The following COL4A4 variants were observed in gnomAD, a reference collection of about 807,000 sequenced individuals.
COL4A4 encodes collagen type IV alpha 4 chain.
In COL4A4, 105 loss-of-function variants were observed where a neutral mutation model predicts 192.9. That is an observed-to-expected ratio of 0.54 (90% CI 0.46 to 0.64). COL4A4 has a LOEUF of 0.64. Ranked by LOEUF, COL4A4 falls within the 30% of genes least tolerant of loss-of-function variation. COL4A4 has a pLI of 0.00. For missense variants in COL4A4, 1,967 were observed against 2,169.3 expected (o/e 0.91, Z 1.85); for synonymous variants, 762 against 769.9 (o/e 0.99, Z 0.17).
chr2:227,078,793 G>C (rs2059172779), intron 24 of COL4A4, among the ~76,000 whole-genome samples: 1 of 152,184 alleles, frequency 6.6e-6, no homozygotes, highest in Admixed American at 6.5e-5. Flanking sequence ...ACCCCTGTGG[G>C]TAAAAGCCTA....
intron 1 of COL4A4, among the ~76,000 whole-genome samples, chr2:227,157,592 AT>A (rs2064455752): frequency 6.6e-6 from 1 of 152,034 alleles, no homozygotes; most frequent in Non-Finnish European, 1.5e-5. Flanking sequence ...GACAAAGGGG[AT>A]TAAAAAGATA....
chr2:227,140,875 TCA>T (rs71036159), intron 3 of COL4A4, among the ~76,000 whole-genome samples: 34,723 of 139,358 alleles, frequency 0.25, 4,610 homozygotes, highest in East Asian at 0.51. Context: ...CTTTAGAGCA[TCA>T]CACACACACA....
intron 4 of COL4A4, among the ~76,000 whole-genome samples, chr2:227,130,563 G>T (rs2062385531): frequency 6.6e-6 from 1 of 152,100 alleles, no homozygotes; most frequent in South Asian, 2.1e-4. Context: ...CCTCCTGTTT[G>T]GAGTCTCCCC....
chr2:227,031,871 G>T (rs1968491112), intron 40 of COL4A4, 74 bp downstream of exon 40: 1 of 1,099,988 alleles, frequency 9.1e-7, no homozygotes, highest in African/African-American at 1.5e-5. Flanking sequence ...CCACTCTCTG[G>T]TCCCACATTC....
chr2:227,050,975 A>T lies in COL4A4; in HGVS notation c.3150+2T>A. The T allele has an allele frequency of 6.2e-7, 1 of 1,614,190 alleles. No individual in the cohort carries two copies. The highest frequency in any genetic ancestry group is 8.5e-7 in the Non-Finnish European group (1 of 1,180,022). ...TTCCCCCACAAAGCAGTAGCCCCTT[A>T]CCTGGTCACCTGGAAGTCCTGGAAA... is the stretch of plus-strand genomic sequence containing the variant. On this transcript the variant is annotated splice_donor_variant, in intron 33 of 47. Transcript: ENST00000396625. LOFTEE classifies it high-confidence loss of function.
At position 227,045,891 on chromosome 2, in the gene COL4A4, TATTTAGATA is replaced by T. The variant is rs1338101495; in HGVS notation, c.3289+1575_3289+1583del. Reference sequence around the variant, plus strand: ...ATATATATACATATATATGTATATATATTTAGATAGTATATATATGTATGTATATGTATA... The same window carrying T: ...ATATATATACATATATATGTATATATGTATATATATGTATGTATATGTATA... On this transcript the variant is annotated intron_variant, in intron 35 of 47. Coordinates refer to ENST00000396625, the MANE Select transcript of COL4A4 (RefSeq NM_000092.5). Among the ~76,000 whole-genome samples, 808 of 107,436 alleles carry T rather than the reference TATTTAGATA, an allele frequency of 7.5e-3. 58 individuals carry two copies. The highest frequency in any genetic ancestry group is 9.7e-3 in the African/African-American group (277 of 28,556). The allele number at this position is 107,436 out of a possible 152,430, so 70.5% of individuals were successfully genotyped here. A position where few individuals can be genotyped will look rare whatever the true frequency, so the allele number is the denominator to read the frequency against.
Position 227,067,137 on chromosome 2 carries a change from G to T in COL4A4, c.1988-4539C>A, listed in dbSNP as rs1182173086. On this transcript the variant is annotated intron_variant, in intron 25 of 47. Transcript: ENST00000396625. ...GACAAAGAAGGCCATTACATAATGG[G>T]AAAGGGCTCAATTCAACAAGAAGAG... Among the ~76,000 whole-genome samples the T allele has an allele frequency of 5.3e-5, 8 of 152,198 alleles. No homozygotes were observed. The South Asian group carries it at 1.0e-3, about 20-fold the overall frequency.
chr2:227,054,778 T>C (rs1279307020), intron 30 of COL4A4, 41 bp from the exon 31 acceptor site: 6 of 1,580,402 alleles, frequency 3.8e-6, no homozygotes, highest in Non-Finnish European at 8.6e-7. Flanking sequence ...AAATATTTTA[T>C]TTGTTATTTA....
intron 7 of COL4A4, among the ~76,000 whole-genome samples, chr2:227,116,282 C>G (rs1243453045): frequency 6.6e-6 from 1 of 152,168 alleles, no homozygotes; most frequent in Non-Finnish European, 1.5e-5. Context: ...TGGGGGTCCT[C>G]TCCTGAGGAA....
chr2:227,109,663 C>T (rs7578286), intron 9 of COL4A4, among the ~76,000 whole-genome samples: 30,541 of 151,520 alleles, frequency 0.2, 5,061 homozygotes, highest in African/African-American at 0.45. Flanking sequence ...AGGAGAATCG[C>T]TTGAACCAGG....
intron 4 of COL4A4, among the ~76,000 whole-genome samples, chr2:227,121,561 C>CAAAAAAAAAAAAAAA (rs766680844): frequency 3.4e-5 from 2 of 59,004 alleles, no homozygotes; most frequent in African/African-American, 1.1e-4. Context: ...GACCCTATCT[C>CAAAAAAAAAAAAAAA]AAAAAAAAAA....
intron 25 of COL4A4, among the ~76,000 whole-genome samples, chr2:227,067,027 C>T (rs1313141712): frequency 4.0e-5 from 6 of 150,406 alleles, no homozygotes; most frequent in Admixed American, 4.0e-4. Context: ...GGAAGATCTA[C>T]CAAGCAAATG....
intron 31 of COL4A4, among the ~76,000 whole-genome samples, chr2:227,052,859 A>G (rs1010353371): frequency 1.3e-5 from 2 of 152,150 alleles, no homozygotes; most frequent in African/African-American, 4.8e-5. Context: ...TACCCCTCAC[A>G]CTGACTTCTG....
intron 20 of COL4A4, among the ~76,000 whole-genome samples, chr2:227,092,824 C>A (rs756412571): frequency 6.6e-6 from 1 of 151,892 alleles, no homozygotes; most frequent in Non-Finnish European, 1.5e-5. Flanking sequence ...GTGCACATGT[C>A]GGGTGAGGGG....
At chr2:227,020,553 G>T (rs566477272) in intron 44 of COL4A4, among the ~76,000 whole-genome samples, 1 of 152,218 alleles carries the variant, frequency 6.6e-6, no homozygotes, top group Non-Finnish European at 1.5e-5. Context: ...ACATCTCTTG[G>T]GCACTTAACT....
chr2:226,990,765 T>TAAAA, the COL4A4 span, among the ~76,000 whole-genome samples: 1 of 152,188 alleles, frequency 6.6e-6, no homozygotes, highest in South Asian at 2.1e-4. Flanking sequence ...AGGTAAATCA[T>TAAAA]CTTAACACGG....
chr2:227,137,192 A>G (rs1384713360), intron 4 of COL4A4, among the ~76,000 whole-genome samples: 1 of 151,862 alleles, frequency 6.6e-6, no homozygotes, highest in Admixed American at 6.6e-5. Flanking sequence ...TAGAGGGTGG[A>G]AAGTACACCA....
chr2:227,057,696 A>G (rs1436017816), intron 28 of COL4A4, 96 bp from the exon 29 acceptor site: 7 of 1,267,444 alleles, frequency 5.5e-6, no homozygotes, highest in Middle Eastern at 1.8e-4. Flanking sequence ...GGAGGTGAAC[A>G]TTTTCATCCT....
chr2:227,042,792 TA>T (rs1971718284), intron 36 of COL4A4, among the ~76,000 whole-genome samples: 6 of 152,074 alleles, frequency 3.9e-5, no homozygotes, highest in Admixed American at 3.9e-4. Flanking sequence ...TCTAAAAGAA[TA>T]AAAACTAAAA....
Sources: gnomAD v4.1 joint callset for allele counts (sites outside exome capture counted in the v4.1 genomes callset) on GRCh38, gnomAD v4.1.1 for gene constraint, MANE v1.5 for transcripts, NCBI Gene and HGNC (gene_info 2026-07-23, HGNC 2026-07-21) for gene names.